ALK: variants seen among roughly 807,000 people sequenced by gnomAD.
ALK encodes the protein ALK receptor tyrosine kinase, also known as ALK tyrosine kinase receptor.
A neutral mutation model predicts 163.1 loss-of-function variants in ALK; 74 were observed. That is an observed-to-expected ratio of 0.45 (90% confidence interval 0.38 to 0.55). The LOEUF is 0.55. Ranked by LOEUF, ALK falls within the 20% of genes least tolerant of loss-of-function variation. The pLI is 0.00. For synonymous variants in ALK, 960 were observed against 843.2 expected, an observed-to-expected ratio of 1.14 and a Z score of -2.40; for missense variants, 2,063 against 2,105.3, an observed-to-expected ratio of 0.98 and a Z score of 0.39.
chr2:29,784,148 G>A (rs1490617542), intron 1 of ALK, among the ~76,000 whole-genome samples: 2 of 152,118 alleles, frequency 1.3e-5, no homozygotes, highest in Admixed American at 6.5e-5. Flanking sequence ...GGAGCAAGGA[G>A]ATAGAACTAA....
intron 3 of ALK, among the ~76,000 whole-genome samples, chr2:29,655,994 G>C (rs1677173711): frequency 1.3e-5 from 2 of 151,964 alleles, no homozygotes; most frequent in African/African-American, 4.8e-5. Flanking sequence ...TCTCTAAGAA[G>C]GTATCATTCT....
At chr2:29,531,313 T>C (rs1399458360) in intron 4 of ALK, among the ~76,000 whole-genome samples, 1 of 152,150 alleles carries the variant, frequency 6.6e-6, no homozygotes, top group Non-Finnish European at 1.5e-5. Flanking sequence ...CTTTCCAATG[T>C]CACTACCGCA....
intron 20 of ALK, 40 bp downstream of exon 20, chr2:29,223,302 C>A (rs750786316): frequency 1.2e-6 from 2 of 1,610,504 alleles, no homozygotes; most frequent in Non-Finnish European, 1.7e-6. Context: ...AGCCCCTACA[C>A]TGCACCCCTC....
At chr2:29,896,867 T>C (rs1033795067) in intron 1 of ALK, among the ~76,000 whole-genome samples, 1 of 152,218 alleles carries the variant, frequency 6.6e-6, no homozygotes, top group Admixed American at 6.5e-5. Flanking sequence ...GTTTCTGTAT[T>C]GTGTAAATAC....
intron 4 of ALK, among the ~76,000 whole-genome samples, chr2:29,504,260 G>A (rs913133267): frequency 1.6e-4 from 25 of 152,018 alleles, no homozygotes; most frequent in Admixed American, 2.6e-4. Context: ...GTGTGGGGAC[G>A]CTGTGTGAGA....
chr2:29,877,546 G>T (rs1282413743), intron 1 of ALK, among the ~76,000 whole-genome samples: 1 of 152,186 alleles, frequency 6.6e-6, no homozygotes, highest in Non-Finnish European at 1.5e-5. Flanking sequence ...CCTAGACCAT[G>T]CCTATCACAT....
chr2:29,760,280 G>C (rs912018875), intron 1 of ALK, among the ~76,000 whole-genome samples: 1 of 152,060 alleles, frequency 6.6e-6, no homozygotes, highest in Non-Finnish European at 1.5e-5. Flanking sequence ...GGACTGAGTG[G>C]GTGGGACTTC....
At chr2:29,771,180 T>A (rs1267241209) in intron 1 of ALK, among the ~76,000 whole-genome samples, 2 of 151,620 alleles carry the variant, frequency 1.3e-5, no homozygotes, top group African/African-American at 4.9e-5. Context: ...CACACATATA[T>A]GCACACGTAC....
intron 5 of ALK, among the ~76,000 whole-genome samples, chr2:29,337,088 T>C (rs1667637088): frequency 6.6e-6 from 1 of 152,152 alleles, no homozygotes; most frequent in Admixed American, 6.5e-5. Context: ...GATGAGAATG[T>C]AGTCGAGTGC....
chr2:29,288,968 AAAT>A lies in ALK; in HGVS notation c.1817+7917_1817+7919del, dbSNP rs1477942988. ...CTCCTTCTCAAAAAAATAAATAAAT[AAAT>A]AAATAAATAAATAAATAAATAAATA... is the stretch of plus-strand genomic sequence containing the variant. On this transcript the variant is annotated intron_variant, in intron 9 of 28. Transcript: ENST00000389048. 1.2e-3 allele frequency among the ~76,000 whole-genome samples: 165 copies of A among 133,736 alleles called. 23 individuals carry two copies. In the Middle Eastern group the frequency reaches 0.015, roughly 12 times the overall value. The allele number at this position is 133,736 out of a possible 152,430, so 87.7% of individuals were successfully genotyped here. A position where few individuals can be genotyped will look rare whatever the true frequency, so the allele number is the denominator to read the frequency against.
At chr2:29,487,690 G>T (rs1363038742) in intron 4 of ALK, among the ~76,000 whole-genome samples, 1 of 152,112 alleles carries the variant, frequency 6.6e-6, no homozygotes, top group Non-Finnish European at 1.5e-5. Context: ...TAGATGATGA[G>T]GAGAAGACAT....
chr2:29,758,589 T>C (rs1436761983), intron 1 of ALK, among the ~76,000 whole-genome samples: 1 of 152,196 alleles, frequency 6.6e-6, no homozygotes, highest in Non-Finnish European at 1.5e-5. Flanking sequence ...CTTTCTGCAT[T>C]GAATACAGGC....
intron 8 of ALK, among the ~76,000 whole-genome samples, chr2:29,303,909 G>A (rs894508756): frequency 5.9e-5 from 9 of 152,154 alleles, no homozygotes; most frequent in East Asian, 1.9e-4. Context: ...GGAAAAGGAC[G>A]AAAAACTACC....
intron 11 of ALK, among the ~76,000 whole-genome samples, chr2:29,262,023 G>A (rs1216242932): frequency 6.6e-6 from 1 of 152,220 alleles, no homozygotes; most frequent in Non-Finnish European, 1.5e-5. Flanking sequence ...AATGAACAGG[G>A]TTGAGAATGT....
chr2:29,755,168 C>T (rs1038202995), intron 1 of ALK, among the ~76,000 whole-genome samples: 4 of 152,220 alleles, frequency 2.6e-5, no homozygotes, highest in Non-Finnish European at 2.9e-5. Context: ...GGCGATTTCA[C>T]GCAGAAGCTG....
intron 3 of ALK, among the ~76,000 whole-genome samples, chr2:29,564,146 T>C (rs532366262): frequency 5.9e-5 from 9 of 152,228 alleles, no homozygotes; most frequent in Admixed American, 2.0e-4. Flanking sequence ...CTTGACTTAC[T>C]GGCTGTCGTG....
intron 11 of ALK, among the ~76,000 whole-genome samples, chr2:29,256,272 G>C (rs78497985): frequency 3.9e-5 from 6 of 152,146 alleles, no homozygotes; most frequent in Non-Finnish European, 5.9e-5. Context: ...GGGGTGGGAG[G>C]CTGCACCTCA....
chr2:29,717,250 A>G (rs542186154), intron 2 of ALK, among the ~76,000 whole-genome samples: 126 of 151,916 alleles, frequency 8.3e-4, no homozygotes, highest in African/African-American at 3.0e-3. Flanking sequence ...AAAGCAAGCT[A>G]CAGTCAAGAA....
intron 3 of ALK, among the ~76,000 whole-genome samples, chr2:29,651,870 C>G (rs72784176): frequency 0.047 from 7,157 of 152,214 alleles, 260 homozygotes; most frequent in Non-Finnish European, 0.068. Context: ...AGAACAAATA[C>G]AATAGCCTCT....
Sources: allele counts gnomAD v4.1 joint callset (sites outside exome capture counted in the v4.1 genomes callset), GRCh38; gene constraint gnomAD v4.1.1; transcripts MANE v1.5; gene names NCBI Gene and HGNC (gene_info 2026-07-23, HGNC 2026-07-21).